Variants in RUNX1T1 observed in about 807,000 individuals in gnomAD.
RUNX1T1 encodes RUNX1 partner transcriptional co-repressor 1, also known as protein CBFA2T1.
In RUNX1T1, 4 loss-of-function variants were observed where a neutral mutation model predicts 62.8. The observed-to-expected ratio is 0.06, with a 90% CI of 0.03 to 0.15. The LOEUF is 0.15. RUNX1T1 is among the 10% of genes least tolerant of loss of function. The probability of loss-of-function intolerance (pLI) is 1.00; values close to 1 mark genes in which losing one functional copy is unlikely to be tolerated. For missense variants in RUNX1T1, 508 were observed against 754.3 expected (o/e 0.67, Z 3.82); for synonymous variants, 291 against 286.0 (o/e 1.02, Z -0.18).
upstream of RUNX1T1, among the ~76,000 whole-genome samples, chr8:92,100,549 TA>T (rs1373807573): frequency 6.6e-6 from 1 of 152,164 alleles, no homozygotes; most frequent in African/African-American, 2.4e-5. Flanking sequence ...ACCAACAAAA[TA>T]TAAAATGCTG....
chr8:92,095,257 G>A lies in RUNX1T1; in HGVS notation c.-86+4323C>T, dbSNP rs556327895. 1.1e-3 allele frequency: 1,603 copies of A among 1,522,268 alleles called. 29 individuals are homozygous for A. The South Asian group carries it at 0.018, about 18-fold the overall frequency. 94.3% of individuals were successfully genotyped at this position (1,522,268 alleles called of 1,614,324 possible). On this transcript the variant is annotated intron_variant, in intron 1 of 11. Transcript: ENST00000265814. ...AATCATTTGGAAAGGGAGAGAGGGA[G>A]AGAGAAAAGCCGCCTCCCCACGCCC...
chr8:91,975,857 G>T, intron 9 of RUNX1T1, 48 bp downstream of exon 10: 1 of 1,259,106 alleles, frequency 7.9e-7, no homozygotes, highest in Non-Finnish European at 1.2e-6. Flanking sequence ...ATTAACAACT[G>T]CACACAGCTG....
intron 1 of RUNX1T1, among the ~76,000 whole-genome samples, chr8:92,057,402 T>C (rs559608585): frequency 6.6e-6 from 1 of 152,298 alleles, no homozygotes; most frequent in South Asian, 2.1e-4. Context: ...GCAAACTGCT[T>C]AATTTATCTG....
chr8:92,046,019 C>G (rs956807252), intron 1 of RUNX1T1, among the ~76,000 whole-genome samples: 35 of 152,066 alleles, frequency 2.3e-4, no homozygotes, highest in Admixed American at 2.0e-3. Context: ...ATAATTTAAA[C>G]TGAACATGCC....
intron 1 of RUNX1T1, among the ~76,000 whole-genome samples, chr8:92,088,842 ACTG>A (rs1272303729): frequency 1.3e-5 from 2 of 152,196 alleles, no homozygotes; most frequent in Middle Eastern, 3.2e-3. Flanking sequence ...AATTACCATT[ACTG>A]CTGCTAATAT....
At chr8:92,062,817 A>C (rs930018634) in exon 1 of RUNX1T1, 59 of 1,446,694 alleles carry the variant, frequency 4.1e-5, no homozygotes, top group Non-Finnish European at 7.3e-6. Context: ...CTGTCTCTTT[A>C]GGCAGAACAA....
chr8:91,979,670 AAG>A (rs1272131283), intron 8 of RUNX1T1: 1 of 314,632 alleles, frequency 3.2e-6, no homozygotes, highest in Non-Finnish European at 6.2e-6. Context: ...CACATCTATG[AAG>A]AGAGGAGACC....
chr8:92,069,261 T>G (rs749006039), intron 2 of RUNX1T1, among the ~76,000 whole-genome samples: 5 of 152,040 alleles, frequency 3.3e-5, no homozygotes, highest in Non-Finnish European at 5.9e-5. Flanking sequence ...TTGACCTAGA[T>G]AGGAATTAAA....
At chr8:92,057,011 T>C (rs1831151491) in intron 1 of RUNX1T1, among the ~76,000 whole-genome samples, 1 of 152,178 alleles carries the variant, frequency 6.6e-6, no homozygotes, top group Non-Finnish European at 1.5e-5. Context: ...ATGTGCCCTA[T>C]GATTTCTATT....
At chr8:91,981,064 T>A (rs1401085169) in intron 8 of RUNX1T1, among the ~76,000 whole-genome samples, 1 of 152,200 alleles carries the variant, frequency 6.6e-6, no homozygotes, top group Non-Finnish European at 1.5e-5. Flanking sequence ...TGTTTTTACC[T>A]ATTAACTCAT....
At chr8:92,038,783 G>A (rs927914470) in intron 1 of RUNX1T1, among the ~76,000 whole-genome samples, 7 of 152,142 alleles carry the variant, frequency 4.6e-5, no homozygotes, top group South Asian at 2.1e-4. Flanking sequence ...CTCTGCCCTC[G>A]AAACTCCTCT....
downstream of RUNX1T1, chr8:91,955,395 A>C (rs1409645751): frequency 4.4e-6 from 1 of 226,652 alleles, no homozygotes; most frequent in African/African-American, 2.2e-5. Flanking sequence ...TCTTCTGTGG[A>C]AAAAAAGAGT....
At chr8:92,003,641 A>G (rs1015322812) in intron 5 of RUNX1T1, among the ~76,000 whole-genome samples, 15 of 152,148 alleles carry the variant, frequency 9.9e-5, no homozygotes, top group African/African-American at 3.4e-4. Flanking sequence ...CAGTATCTGT[A>G]TGTCATACTC....
chr8:91,974,564 T>C (rs946279250), intron 9 of RUNX1T1, among the ~76,000 whole-genome samples: 2 of 152,144 alleles, frequency 1.3e-5, no homozygotes, highest in African/African-American at 2.4e-5. Context: ...TAAGTTGCAC[T>C]GACAGCTTAG....
chr8:92,067,312 A>T (rs1332467955), upstream of RUNX1T1, among the ~76,000 whole-genome samples: 1 of 152,234 alleles, frequency 6.6e-6, no homozygotes. Flanking sequence ...CATGGAGGAC[A>T]TGCTGTAGGT....
chr8:92,032,076 G>C (rs1826345225), intron 1 of RUNX1T1, among the ~76,000 whole-genome samples: 1 of 120,776 alleles, frequency 8.3e-6, no homozygotes, highest in African/African-American at 3.1e-5. Context: ...CTGGGCGGCA[G>C]AGCGAGAATC....
intron 1 of RUNX1T1, among the ~76,000 whole-genome samples, chr8:92,018,113 A>G (rs945239472): frequency 6.6e-6 from 1 of 152,172 alleles, no homozygotes; most frequent in African/African-American, 2.4e-5. Context: ...TATTTTTTTC[A>G]TGAGTATGTG....
At chr8:92,061,840 C>G (rs1283644954) in intron 1 of RUNX1T1, among the ~76,000 whole-genome samples, 2 of 152,138 alleles carry the variant, frequency 1.3e-5, no homozygotes, top group Non-Finnish European at 2.9e-5. Context: ...TTCTTGAGAA[C>G]AGCCGAAACA....
exon 11 of RUNX1T1, chr8:91,958,982 A>G: frequency 4.9e-6 from 1 of 205,862 alleles, no homozygotes; most frequent in Non-Finnish European, 9.9e-6. Flanking sequence ...TACTAGAGAA[A>G]TATCACTAAT....
Sources: allele counts gnomAD v4.1 joint callset (sites outside exome capture counted in the v4.1 genomes callset), GRCh38; gene constraint gnomAD v4.1.1; transcripts MANE v1.5; gene names NCBI Gene and HGNC (gene_info 2026-07-23, HGNC 2026-07-21).